The following RIMS2 variants were observed in gnomAD, a reference collection of about 807,000 sequenced individuals.
RIMS2 encodes regulating synaptic membrane exocytosis 2.
A neutral mutation model predicts 174.4 loss-of-function variants in RIMS2; 59 were observed. The observed-to-expected ratio is 0.34, with a 90% CI of 0.27 to 0.42. The LOEUF (loss-of-function observed/expected upper bound fraction) is 0.42. Among genes scored for constraint, RIMS2 ranks in the 10% least tolerant of loss-of-function variants. The pLI, the probability that RIMS2 is intolerant of heterozygous loss-of-function variation, is 1.00. For missense variants in RIMS2, 1,620 were observed against 1,666.3 expected (o/e 0.97, Z 0.48); for synonymous variants, 606 against 572.5 (o/e 1.06, Z -0.84).
chr8:104,207,563 T>G (rs2099086214), intron 19 of RIMS2, among the ~76,000 whole-genome samples: 1 of 152,018 alleles, frequency 6.6e-6, no homozygotes, highest in African/African-American at 2.4e-5. Context: ...CCCAGCACTT[T>G]GGGAGGCCGA....
At chr8:103,885,776 A>T in exon 4 of RIMS2, 1 of 1,613,016 alleles carries the variant, frequency 6.2e-7, no homozygotes, top group Non-Finnish European at 8.5e-7. Context: ...TCGACCATCA[A>T]GGCAAAGATC....
intron 2 of RIMS2, among the ~76,000 whole-genome samples, chr8:103,722,374 A>T (rs921065650): frequency 1.3e-5 from 2 of 152,132 alleles, no homozygotes; most frequent in Admixed American, 6.5e-5. Context: ...TATACAGTTC[A>T]TCATATTGTA....
intron 19 of RIMS2, among the ~76,000 whole-genome samples, chr8:104,092,817 A>G (rs2097686408): frequency 6.6e-6 from 1 of 151,954 alleles, no homozygotes; most frequent in Non-Finnish European, 1.5e-5. Flanking sequence ...CTAGGTCATT[A>G]ACCTAAAGCA....
chr8:103,793,853 T>C (rs1183996630), intron 3 of RIMS2, among the ~76,000 whole-genome samples: 2 of 151,906 alleles, frequency 1.3e-5, no homozygotes, highest in Non-Finnish European at 2.9e-5. Context: ...GAGAATAAAA[T>C]ACCTAGGAAT....
In RIMS2 at chr8:103,757,006, TGTGTGAGAGAGAGAGAGA is replaced by T. The variant is rs1292032618; in HGVS notation, c.388-9219_388-9202del. Among the ~76,000 whole-genome samples the T allele has an allele frequency of 4.7e-5, 6 of 128,916 alleles. No individual in the cohort carries two copies. The South Asian group carries it at 1.3e-3, about 27-fold the overall frequency. The allele number at this position is 128,916 out of a possible 152,430, so 84.6% of individuals were successfully genotyped here. A position where few individuals can be genotyped will look rare whatever the true frequency, so the allele number is the denominator to read the frequency against. On this transcript the variant is annotated intron_variant, in intron 2 of 23. Transcript: ENST00000504942. Reference sequence around the variant, plus strand: ...GTGTGTGTGTGTGTGTGTGTGTGTGTGTGTGAGAGAGAGAGAGAGAGAGAGAGAGAGATACAGAGAGAG... The same window carrying T: ...GTGTGTGTGTGTGTGTGTGTGTGTGTGAGAGAGAGAGAGATACAGAGAGAG...
chr8:103,626,776 CG>C (rs1309712323), intron 1 of RIMS2, among the ~76,000 whole-genome samples: 1 of 151,864 alleles, frequency 6.6e-6, no homozygotes, highest in African/African-American at 2.4e-5. Context: ...ACCATGATGG[CG>C]ACCTTGAGCC....
intron 18 of RIMS2, among the ~76,000 whole-genome samples, 166 bp downstream of exon 20, chr8:104,013,787 T>C (rs1044499593): frequency 6.6e-6 from 1 of 152,204 alleles, no homozygotes; most frequent in African/African-American, 2.4e-5. Flanking sequence ...CTGGATATAA[T>C]AGTGTGTGGC....
At chr8:104,012,069 T>G (rs1037843010) in intron 17 of RIMS2, among the ~76,000 whole-genome samples, 2 of 151,950 alleles carry the variant, frequency 1.3e-5, no homozygotes, top group Admixed American at 6.6e-5. Context: ...TAAATATTTT[T>G]TATATATTTA....
intron 3 of RIMS2, among the ~76,000 whole-genome samples, chr8:103,789,013 G>A (rs1425013409): frequency 8.5e-5 from 13 of 152,314 alleles, no homozygotes; most frequent in East Asian, 5.8e-4. Context: ...CGCAGTATTC[G>A]GGTGGGAGTG....
intron 14 of RIMS2, among the ~76,000 whole-genome samples, chr8:103,944,574 T>C (rs2083282362): frequency 6.6e-6 from 1 of 152,052 alleles, no homozygotes; most frequent in Admixed American, 6.6e-5. Context: ...TTCCCCACAC[T>C]ACTTAGGGAT....
intron 3 of RIMS2, among the ~76,000 whole-genome samples, chr8:103,833,369 G>A (rs1214133313): frequency 6.6e-6 from 1 of 151,932 alleles, no homozygotes; most frequent in South Asian, 2.1e-4. Context: ...TTTTGCTTGG[G>A]TTGGCTGTGC....
chr8:103,715,047 A>G lies in RIMS2; in HGVS notation c.387+17751A>G, dbSNP rs963882968. On this transcript the variant is annotated intron_variant, in intron 2 of 23. Coordinates refer to ENST00000504942, the Ensembl canonical transcript of RIMS2. ...ACCTAAAATAATTAGCTGATCAATT[A>G]AATTACAGAGAAAAGAGATATAAAA... Among the ~76,000 whole-genome samples, 4 of 152,204 alleles carry G rather than the reference A, an allele frequency of 2.6e-5. No individual in the cohort carries two copies. The South Asian group carries it at 8.3e-4, about 32-fold the overall frequency.
chr8:103,868,601 A>G (rs925795329), intron 3 of RIMS2, among the ~76,000 whole-genome samples: 1 of 152,164 alleles, frequency 6.6e-6, no homozygotes, highest in African/African-American at 2.4e-5. Context: ...CATACTTTTT[A>G]AAACAAGTTT....
intron 4 of RIMS2, among the ~76,000 whole-genome samples, chr8:103,906,636 A>G (rs1225810704): frequency 6.6e-6 from 1 of 152,170 alleles, no homozygotes; most frequent in Admixed American, 6.5e-5. Context: ...GAGAAAAAGA[A>G]TTACATTTCT....
intron 3 of RIMS2, among the ~76,000 whole-genome samples, chr8:103,869,385 C>T (rs555754258): frequency 1.3e-5 from 2 of 151,492 alleles, no homozygotes; most frequent in South Asian, 4.2e-4. Context: ...TAGTAAGAGA[C>T]GGGGTTTCAC....
chr8:103,579,837 AG>A (rs2093496369), intron 1 of RIMS2, among the ~76,000 whole-genome samples: 1 of 152,212 alleles, frequency 6.6e-6, no homozygotes, highest in Non-Finnish European at 1.5e-5. Context: ...GGGAAGCCTC[AG>A]GAAACTTATA....
At chr8:104,036,502 A>G (rs548895097) in intron 19 of RIMS2, among the ~76,000 whole-genome samples, 1 of 152,148 alleles carries the variant, frequency 6.6e-6, no homozygotes, top group South Asian at 2.1e-4. Flanking sequence ...TTTTTTCTGC[A>G]TTTAAAAATG....
intron 3 of RIMS2, among the ~76,000 whole-genome samples, chr8:103,788,572 T>G (rs2098465939): frequency 6.6e-6 from 1 of 151,816 alleles, no homozygotes; most frequent in African/African-American, 2.4e-5. Flanking sequence ...TGCCTCCCAG[T>G]TAGGCTGCTC....
chr8:103,952,605 G>T (rs1665026173), intron 14 of RIMS2, among the ~76,000 whole-genome samples: 1 of 152,166 alleles, frequency 6.6e-6, no homozygotes, highest in Non-Finnish European at 1.5e-5. Flanking sequence ...CCCATCTGAA[G>T]GTCACTGACT....
Sources: allele counts gnomAD v4.1 joint callset (sites outside exome capture counted in the v4.1 genomes callset), GRCh38; gene constraint gnomAD v4.1.1; transcripts MANE v1.5; gene names NCBI Gene and HGNC (gene_info 2026-07-23, HGNC 2026-07-21).